The following HIVEP1 variants were observed in gnomAD, a reference collection of about 807,000 sequenced individuals.
HIVEP1 encodes HIVEP zinc finger 1, also known as zinc finger protein 40.
A neutral mutation model predicts 180.0 loss-of-function variants in HIVEP1; 36 were observed. The ratio of observed to expected loss-of-function variants is 0.20; its 90% confidence interval spans 0.15 to 0.26. HIVEP1 has a LOEUF of 0.26. HIVEP1 is among the 10% of genes least tolerant of loss of function. The pLI is 1.00. For missense variants in HIVEP1, 3,143 were observed against 3,268.7 expected (o/e 0.96, Z 0.94); for synonymous variants, 1,239 against 1,239.0 (o/e 1.00, Z 0.00).
chr6:12,211,342 G>A, the HIVEP1 span, among the ~76,000 whole-genome samples: 96 of 107,518 alleles, frequency 8.9e-4, 5 homozygotes, highest in Middle Eastern at 0.013. Flanking sequence ...GGAGCTTGCA[G>A]TGAGCCGAGA....
Position 12,129,814 on chromosome 6 carries a change from C to T in HIVEP1, c.6131C>T (p.Ser2044Phe), listed in dbSNP as rs1277045005. 5.7e-6 allele frequency: 9 copies of T among 1,592,910 alleles called. No homozygotes were observed. The highest frequency in any genetic ancestry group is 7.8e-6 in the Non-Finnish European group (9 of 1,160,986). The change falls in exon 5 of 9, where the codon TCT becomes TTT. Residue 2044 changes from serine to phenylalanine, a missense_variant. Coordinates refer to ENST00000379388, the MANE Select transcript of HIVEP1 (RefSeq NM_002114.4). Reference protein sequence around the residue: ...TVVEFSNKDASEINSEQDKEN... With the variant: ...TVVEFSNKDAFEINSEQDKEN... ...GTTGAATTCAGCAATAAAGATGCCT[C>T]TGAAATTAACAGTGAGCAAGATAAA...
At chr6:12,071,051 T>C (rs6916070) in intron 2 of HIVEP1, among the ~76,000 whole-genome samples, 32,243 of 152,182 alleles carry the variant, frequency 0.21, 4,102 homozygotes, top group Middle Eastern at 0.32. Flanking sequence ...CATCAGTCTA[T>C]AGTGTTCTGT....
At chr6:12,015,924 C>T (rs2113567095) in intron 2 of HIVEP1, among the ~76,000 whole-genome samples, 1 of 152,254 alleles carries the variant, frequency 6.6e-6, no homozygotes. Flanking sequence ...GTATTAAAGG[C>T]TGAAAGTTGC....
the HIVEP1 span, among the ~76,000 whole-genome samples, chr6:12,190,988 T>C: frequency 6.6e-6 from 1 of 152,224 alleles, no homozygotes. Context: ...TACTGCTTTC[T>C]AAGCTGAACT....
At chr6:12,141,804 C>A (rs1326360181) in intron 7 of HIVEP1, among the ~76,000 whole-genome samples, 1 of 145,140 alleles carries the variant, frequency 6.9e-6, no homozygotes, top group African/African-American at 2.5e-5. Flanking sequence ...TACATAATGG[C>A]AAAGGGATCA....
upstream of HIVEP1, among the ~76,000 whole-genome samples, chr6:12,011,575 C>T (rs867528005): frequency 7.7e-4 from 116 of 150,178 alleles, no homozygotes; most frequent in African/African-American, 2.6e-3. Flanking sequence ...CCCGCCCCTC[C>T]CCCCCGGGCT....
At chr6:12,137,725 C>T (rs1758781883) in intron 7 of HIVEP1, among the ~76,000 whole-genome samples, 1 of 152,088 alleles carries the variant, frequency 6.6e-6, no homozygotes. Flanking sequence ...GTTGCTACAC[C>T]AGCAGAATTT....
intron 2 of HIVEP1, among the ~76,000 whole-genome samples, chr6:12,087,037 A>G (rs1461772719): frequency 2.0e-5 from 3 of 152,236 alleles, no homozygotes; most frequent in South Asian, 4.1e-4. Flanking sequence ...TTACAAGCTA[A>G]TTGGAGATTG....
At chr6:12,043,844 G>A (rs904938195) in intron 2 of HIVEP1, among the ~76,000 whole-genome samples, 1 of 152,182 alleles carries the variant, frequency 6.6e-6, no homozygotes, top group Non-Finnish European at 1.5e-5. Flanking sequence ...TCTGGGTTTT[G>A]TGGGATTTCT....
the HIVEP1 span, among the ~76,000 whole-genome samples, chr6:12,197,241 G>T: frequency 6.6e-6 from 1 of 152,116 alleles, no homozygotes; most frequent in African/African-American, 2.4e-5. Context: ...GAAGTGTGGG[G>T]AGCTGAGTTC....
intron 3 of HIVEP1, among the ~76,000 whole-genome samples, chr6:12,096,789 A>G (rs1773807739): frequency 6.6e-6 from 1 of 152,060 alleles, no homozygotes. Context: ...TATTCTTGTA[A>G]TTAGGGATGA....
the HIVEP1 span, among the ~76,000 whole-genome samples, chr6:12,184,022 T>TAGAC: frequency 0.033 from 3,334 of 101,482 alleles, 57 homozygotes; most frequent in South Asian, 0.086. Context: ...GATAGATAGA[T>TAGAC]AGACAGACAG....
intron 2 of HIVEP1, among the ~76,000 whole-genome samples, chr6:12,085,747 C>T (rs1039935618): frequency 2.0e-5 from 3 of 152,082 alleles, no homozygotes; most frequent in South Asian, 2.1e-4. Flanking sequence ...TCCCCACACG[C>T]ACTTTAGCAT....
At chr6:12,061,764 T>A (rs949011367) in intron 2 of HIVEP1, among the ~76,000 whole-genome samples, 2 of 152,198 alleles carry the variant, frequency 1.3e-5, no homozygotes, top group African/African-American at 4.8e-5. Flanking sequence ...CTTGTGGATA[T>A]CATTGTGGAT....
At chr6:12,191,978 C>T in the HIVEP1 span, among the ~76,000 whole-genome samples, 4 of 152,186 alleles carry the variant, frequency 2.6e-5, no homozygotes, top group Non-Finnish European at 5.9e-5. Flanking sequence ...ATTCTCACAG[C>T]TAATTAGGGG....
At chr6:12,200,450 C>T in the HIVEP1 span, among the ~76,000 whole-genome samples, 3 of 152,238 alleles carry the variant, frequency 2.0e-5, no homozygotes, top group Non-Finnish European at 4.4e-5. Flanking sequence ...TTTTCTTCTA[C>T]CTCCAGCTTG....
chr6:12,118,832 A>G (rs986497318), intron 3 of HIVEP1, among the ~76,000 whole-genome samples: 12 of 152,222 alleles, frequency 7.9e-5, no homozygotes, highest in East Asian at 1.9e-4. Flanking sequence ...TGTCCTGACT[A>G]TGGTCTGCTC....
chr6:12,140,618 C>G (rs1758966572), intron 7 of HIVEP1, among the ~76,000 whole-genome samples: 2 of 152,250 alleles, frequency 1.3e-5, no homozygotes, highest in South Asian at 4.2e-4. Context: ...AGCTAAAAAC[C>G]TTGAAAAAAG....
chr6:12,029,854 G>A (rs1169175797), intron 2 of HIVEP1, among the ~76,000 whole-genome samples: 5 of 151,838 alleles, frequency 3.3e-5, no homozygotes, highest in Non-Finnish European at 4.4e-5. Flanking sequence ...ATACTAATAG[G>A]TCTTACATAT....
Sources: gnomAD v4.1 joint callset for allele counts (sites outside exome capture counted in the v4.1 genomes callset) on GRCh38, gnomAD v4.1.1 for gene constraint, MANE v1.5 for transcripts, NCBI Gene and HGNC (gene_info 2026-07-23, HGNC 2026-07-21) for gene names.